Variants in PTPN9 observed in about 807,000 individuals in gnomAD.
PTPN9 encodes protein tyrosine phosphatase non-receptor type 9.
A neutral mutation model predicts 69.8 loss-of-function variants in PTPN9; 26 were observed. That is an observed-to-expected ratio of 0.37 (90% CI 0.27 to 0.52). The LOEUF (loss-of-function observed/expected upper bound fraction) is 0.52, where lower values mean the gene tolerates loss of function less well. Ranked by LOEUF, PTPN9 falls within the 20% of genes least tolerant of loss-of-function variation. The pLI, the probability that PTPN9 is intolerant of heterozygous loss-of-function variation, is 0.91. For missense variants in PTPN9, 549 were observed against 740.3 expected, an observed-to-expected ratio of 0.74 and a Z score of 3.00; for synonymous variants, 274 against 272.5, an observed-to-expected ratio of 1.01 and a Z score of -0.05.
intron 10 of PTPN9, among the ~76,000 whole-genome samples, chr15:75,473,475 A>G (rs542928792): frequency 7.2e-5 from 11 of 152,162 alleles, no homozygotes; most frequent in Admixed American, 2.0e-4. Flanking sequence ...TATTTTTAAT[A>G]GAGACGGGGT....
chr15:75,475,102 C>T (rs141838249), intron 9 of PTPN9, among the ~76,000 whole-genome samples: 1 of 152,260 alleles, frequency 6.6e-6, no homozygotes, highest in East Asian at 1.9e-4. Flanking sequence ...TATACTCTTC[C>T]ATCCATTATT....
chr15:75,548,647 G>T (rs1023963000), intron 1 of PTPN9, among the ~76,000 whole-genome samples: 1 of 150,646 alleles, frequency 6.6e-6, no homozygotes, highest in Admixed American at 6.6e-5. Context: ...TAGAGACAAG[G>T]GGAAATTTTT....
intron 8 of PTPN9, among the ~76,000 whole-genome samples, chr15:75,485,162 T>C (rs2074666857): frequency 6.6e-6 from 1 of 152,014 alleles, no homozygotes; most frequent in African/African-American, 2.4e-5. Context: ...AACAGGCTTC[T>C]CAATCCAGGG....
chr15:75,552,930 A>G (rs1567519510), intron 1 of PTPN9, among the ~76,000 whole-genome samples: 1 of 151,814 alleles, frequency 6.6e-6, no homozygotes. Context: ...TCAAAACTGG[A>G]TGGTGCAATG....
At chr15:75,558,711 G>C (rs1195261049) in intron 1 of PTPN9, among the ~76,000 whole-genome samples, 1 of 152,164 alleles carries the variant, frequency 6.6e-6, no homozygotes. Flanking sequence ...GTATTTTTTT[G>C]GTGGAGACGG....
At chr15:75,528,789 C>T (rs1045409694) in intron 1 of PTPN9, among the ~76,000 whole-genome samples, 3 of 149,872 alleles carry the variant, frequency 2.0e-5, no homozygotes, top group South Asian at 2.1e-4. Context: ...CAGCCTCAAA[C>T]TCCTGGGCTC....
rs369789936 is a variant in PTPN9 at position 75,543,518 on chromosome 15, C to A, written c.64-16257G>T. On this transcript the variant is annotated intron_variant, in intron 1 of 12. Transcript: ENST00000618819. ...CTTCACTAAATGGGCATGAGACATA[C>A]AAGACACATATCATTCATCTTATTG... 3.3e-5 allele frequency among the ~76,000 whole-genome samples: 5 copies of A among 152,138 alleles called. No individual in the cohort carries two copies. The East Asian group carries it at 7.7e-4, about 23-fold the overall frequency.
chr15:75,481,762 G>A (rs1171568570), intron 8 of PTPN9, among the ~76,000 whole-genome samples: 1 of 87,554 alleles, frequency 1.1e-5, no homozygotes, highest in East Asian at 3.5e-4. Context: ...GGGTGCCTCT[G>A]CCCGGCCGCC....
Position 75,492,845 on chromosome 15 carries a change from A to G in PTPN9, c.969-2544T>C, listed in dbSNP as rs542813882. ...GGAAAGCCCTTACACAAAGACTTTA[A>G]TACACAATTCAAATAACACAATTCA... On this transcript the variant is annotated intron_variant, in intron 7 of 12. Coordinates refer to ENST00000618819, the MANE Select transcript of PTPN9 (RefSeq NM_002833.4). Among the ~76,000 whole-genome samples the G allele has an allele frequency of 2.0e-5, 3 of 152,280 alleles. No individual in the cohort carries two copies. The East Asian group carries it at 5.8e-4, about 29-fold the overall frequency.
intron 1 of PTPN9, among the ~76,000 whole-genome samples, chr15:75,530,265 G>A (rs563500488): frequency 1.5e-4 from 21 of 143,234 alleles, no homozygotes; most frequent in South Asian, 8.6e-4. Context: ...GGCTAGGCAC[G>A]GTGGCTCATG....
At chr15:75,469,238 G>C (rs1297982090) in intron 12 of PTPN9, among the ~76,000 whole-genome samples, 1 of 152,256 alleles carries the variant, frequency 6.6e-6, no homozygotes, top group Non-Finnish European at 1.5e-5. Flanking sequence ...AGGTGACACA[G>C]GGGAACTTCC....
chr15:75,496,023 C>T (rs2074738884), intron 7 of PTPN9, among the ~76,000 whole-genome samples: 1 of 151,328 alleles, frequency 6.6e-6, no homozygotes, highest in Admixed American at 6.6e-5. Context: ...CCTGTGGTCC[C>T]AGCTACTCTG....
chr15:75,532,522 A>G (rs1595963226), intron 1 of PTPN9, among the ~76,000 whole-genome samples: 2 of 152,320 alleles, frequency 1.3e-5, no homozygotes, highest in East Asian at 3.8e-4. Flanking sequence ...TATTAAGCTC[A>G]GTTCCTCCAA....
chr15:75,503,034 T>C (rs905911489), intron 7 of PTPN9, among the ~76,000 whole-genome samples: 10 of 152,104 alleles, frequency 6.6e-5, no homozygotes, highest in African/African-American at 1.9e-4. Flanking sequence ...AGTGCCGAGA[T>C]TGCAGCCTCT....
chr15:75,469,452 G>C (rs1022273455), intron 12 of PTPN9, among the ~76,000 whole-genome samples: 9 of 152,242 alleles, frequency 5.9e-5, no homozygotes, highest in Non-Finnish European at 1.2e-4. Flanking sequence ...CACAGCACAG[G>C]GTGGGGAGTC....
At chr15:75,476,287 G>C (rs2074595620) in intron 9 of PTPN9, among the ~76,000 whole-genome samples, 1 of 152,184 alleles carries the variant, frequency 6.6e-6, no homozygotes, top group Non-Finnish European at 1.5e-5. Flanking sequence ...AGATAGTATA[G>C]AAAGAGCACA....
At chr15:75,572,560 C>T (rs1423787238) in intron 1 of PTPN9, among the ~76,000 whole-genome samples, 1 of 151,720 alleles carries the variant, frequency 6.6e-6, no homozygotes, top group Non-Finnish European at 1.5e-5. Flanking sequence ...AAAGAAAATA[C>T]AAAAATTAGT....
Position 75,468,946 on chromosome 15 carries a change from C to G in PTPN9, c.1605G>C (p.Leu535=), listed in dbSNP as rs374076352. Residue 535 remains leucine (L), a synonymous_variant, in exon 13 of 13, where the codon CTG becomes CTC. Transcript: ENST00000618819. ...FCSLDICLAQ[L]EELGTLNVFQ... is the part of the protein sequence containing the mutation. Reference sequence around the variant, plus strand: ...ACACATTAAGGGTGCCAAGCTCCTCCAGCTGTGCCAGGCAGATGTCCAGTG... The same window carrying G: ...ACACATTAAGGGTGCCAAGCTCCTCGAGCTGTGCCAGGCAGATGTCCAGTG... 7.4e-6 allele frequency: 12 copies of G among 1,613,972 alleles called. No individual in the cohort carries two copies. Among genetic ancestry groups the G allele is most frequent in the Non-Finnish European group, 9.3e-6 (11 of 1,179,938 alleles).
chr15:75,494,981 G>A (rs868230354), intron 7 of PTPN9, among the ~76,000 whole-genome samples: 1 of 152,146 alleles, frequency 6.6e-6, no homozygotes. Flanking sequence ...CTGAGATTGT[G>A]CCACTGCACT....
Sources: gnomAD v4.1 joint callset for allele counts (sites outside exome capture counted in the v4.1 genomes callset) on GRCh38, gnomAD v4.1.1 for gene constraint, MANE v1.5 for transcripts, NCBI Gene and HGNC (gene_info 2026-07-23, HGNC 2026-07-21) for gene names.